Variants in LRRC37B observed in about 807,000 individuals in gnomAD.
The protein encoded by LRRC37B is leucine-rich repeat-containing protein 37B.
LRRC37B carries 28 observed loss-of-function variants against 98.3 expected under a neutral mutation model. The observed-to-expected ratio is 0.28, with a 90% CI of 0.21 to 0.39. LRRC37B has a LOEUF of 0.39. Ranked by LOEUF, LRRC37B falls within the 10% of genes least tolerant of loss-of-function variation. The pLI, the probability that LRRC37B is intolerant of heterozygous loss-of-function variation, is 1.00. For synonymous variants in LRRC37B, 364 were observed against 442.7 expected (o/e 0.82, Z 2.23); for missense variants, 938 against 1,182.7 (o/e 0.79, Z 3.03).
chr17:32,022,710 G>A (rs1190448151), exon 1 of LRRC37B: 1 of 1,614,020 alleles, frequency 6.2e-7, no homozygotes, highest in Non-Finnish European at 8.5e-7. Flanking sequence ...CAACATATGT[G>A]AGCTCTGCAC....
At chr17:32,007,598 G>C (rs1910437728), upstream of LRRC37B, among the ~76,000 whole-genome samples, 2 of 151,726 alleles carry the variant, frequency 1.3e-5, no homozygotes, top group African/African-American at 2.4e-5. The surrounding 1 kb of genome is among the most constrained non-coding windows in gnomAD (Gnocchi z 4.1). Context: ...CCGCCGCCTG[G>C]GCTCCAACAA....
chr17:32,022,490 C>T (rs1598204018), exon 1 of LRRC37B: 1 of 1,613,154 alleles, frequency 6.2e-7, no homozygotes, highest in African/African-American at 1.3e-5. Context: ...AGCCTCCAGA[C>T]CCGGGGCTTG....
exon 7 of LRRC37B, chr17:32,035,577 A>G: frequency 6.2e-7 from 1 of 1,612,526 alleles, no homozygotes. Context: ...ACATGGGAAC[A>G]ACACACATCA....
chr17:32,038,030 G>A (rs181996514), intron 7 of LRRC37B, among the ~76,000 whole-genome samples: 256 of 152,250 alleles, frequency 1.7e-3, no homozygotes, highest in African/African-American at 5.6e-3. Context: ...GGGAGGCTGA[G>A]GCAGGAGAAT....
chr17:32,034,363 G>A (rs912628736), intron 5 of LRRC37B, among the ~76,000 whole-genome samples: 19 of 151,816 alleles, frequency 1.3e-4, no homozygotes, highest in African/African-American at 4.4e-4. Context: ...TTAGCTGGGC[G>A]TGGTGGTGGG....
chr17:32,052,690 A>T (rs1327331505), intron 11 of LRRC37B: 5 of 152,338 alleles, frequency 3.3e-5, no homozygotes, highest in Non-Finnish European at 5.9e-5. Flanking sequence ...GACCTAAAGT[A>T]CATGGGACCA....
intron 8 of LRRC37B, chr17:32,047,481 G>A: frequency 2.2e-6 from 1 of 448,726 alleles, no homozygotes; most frequent in South Asian, 2.1e-5. Flanking sequence ...GGCTTTGACT[G>A]AGCACTGGGC....
At chr17:32,007,670 C>T (rs1598198633), upstream of LRRC37B, among the ~76,000 whole-genome samples, 1 of 151,460 alleles carries the variant, frequency 6.6e-6, no homozygotes, top group South Asian at 2.1e-4. This position sits in a 1 kb window ranked among gnomAD's most constrained non-coding sequence, Gnocchi z 4.1. Flanking sequence ...GCGCTGCGCC[C>T]CGGCCCCGCC....
chr17:32,024,894 C>T, intron 2 of LRRC37B, 112 bp downstream of exon 5: 2 of 1,385,272 alleles, frequency 1.4e-6, no homozygotes, highest in South Asian at 1.4e-5. Flanking sequence ...CCTCCATACC[C>T]CAAATCAGCC....
chr17:32,045,598 T>TA (rs1911549171), intron 7 of LRRC37B, 102 bp from the exon 11 acceptor site: 1 of 1,405,844 alleles, frequency 7.1e-7, no homozygotes, highest in South Asian at 1.2e-5. Flanking sequence ...CGGGTCTCAG[T>TA]AACACCTCTT....
intron 1 of LRRC37B, among the ~76,000 whole-genome samples, chr17:32,013,215 G>GGCT (rs1184247638): frequency 6.6e-6 from 1 of 152,102 alleles, no homozygotes; most frequent in Non-Finnish European, 1.5e-5. Context: ...ATGTTGCCCA[G>GGCT]GCTGGTCTTG....
intron 1 of LRRC37B, among the ~76,000 whole-genome samples, chr17:32,008,428 G>C (rs1324643166): frequency 6.6e-6 from 1 of 151,824 alleles, no homozygotes; most frequent in Non-Finnish European, 1.5e-5. Flanking sequence ...TCTCCACCGG[G>C]CAGGATTGAA....
exon 1 of LRRC37B, chr17:32,022,187 T>C: frequency 6.2e-7 from 1 of 1,613,354 alleles, no homozygotes; most frequent in Non-Finnish European, 8.5e-7. Context: ...AACCTGCAGA[T>C]GTGGAGGTTA....
intron 11 of LRRC37B, chr17:32,051,585 G>A (rs2142264986): frequency 6.6e-6 from 1 of 152,208 alleles, no homozygotes; most frequent in East Asian, 1.9e-4. Context: ...GACACCATAT[G>A]AGAGACTTCA....
upstream of LRRC37B, among the ~76,000 whole-genome samples, chr17:32,017,387 T>C (rs546069916): frequency 3.9e-5 from 6 of 152,344 alleles, no homozygotes; most frequent in African/African-American, 1.4e-4. Context: ...TTTAATCATA[T>C]TGTGATTGAA....
At chr17:32,053,039 T>G in intron 11 of LRRC37B, 1 of 516,098 alleles carries the variant, frequency 1.9e-6, no homozygotes, top group Non-Finnish European at 3.5e-6. Flanking sequence ...ATCCACAGAT[T>G]CTGGTATGGT....
At chr17:32,031,382 C>T in exon 5 of LRRC37B, 1 of 1,609,934 alleles carries the variant, frequency 6.2e-7, no homozygotes, top group South Asian at 1.1e-5. Context: ...TTGTAGAAAT[C>T]TGGGCTGCAA....
At chr17:32,035,045 G>A (rs968846772) in intron 6 of LRRC37B, 64 bp downstream of exon 9, 3 of 1,211,450 alleles carry the variant, frequency 2.5e-6, no homozygotes, top group Non-Finnish European at 3.5e-6. Context: ...TGTCATCAAA[G>A]ATAAAGTATT....
chr17:32,013,093 T>A (rs1222821752), intron 1 of LRRC37B, among the ~76,000 whole-genome samples: 4 of 152,144 alleles, frequency 2.6e-5, no homozygotes, highest in Non-Finnish European at 4.4e-5. Flanking sequence ...AACATAATAC[T>A]GTTTTTGACT....
Sources: allele counts gnomAD v4.1 joint callset (sites outside exome capture counted in the v4.1 genomes callset), GRCh38; gene constraint gnomAD v4.1.1; non-coding constraint Gnocchi (gnomAD v3.1); transcripts MANE v1.5; gene names NCBI Gene and HGNC (gene_info 2026-07-23, HGNC 2026-07-21).